Variants in DMD observed in about 807,000 individuals in gnomAD.
DMD encodes the protein dystrophin.
DMD carries 63 observed loss-of-function variants against 330.1 expected under a neutral mutation model. The ratio of observed to expected loss-of-function variants is 0.19; its 90% CI spans 0.16 to 0.24. The LOEUF is 0.24. DMD is among the 10% of genes least tolerant of loss of function. The pLI, the probability that DMD is intolerant of heterozygous loss-of-function variation, is 1.00. For missense variants in DMD, 3,344 were observed against 2,684.1 expected, an observed-to-expected ratio of 1.25 and a Z score of -5.43; for synonymous variants, 1,223 against 959.8, an observed-to-expected ratio of 1.27 and a Z score of -5.07.
At position 31,940,589 on chromosome X, in the gene DMD, C is replaced by T. The variant is rs1398843278; in HGVS notation, c.6615-8362G>A. On this transcript the variant is annotated intron_variant, in intron 45 of 78. Coordinates refer to ENST00000357033, the MANE Select transcript of DMD (RefSeq NM_004006.3). ...AAGTGCCCTGGGCCCCCCTGATCCA[C>T]CATTTGGAGGAAATCTACTTGTTGA... Among the ~76,000 whole-genome samples the T allele has an allele frequency of 2.7e-5, 3 of 111,498 alleles. No homozygotes were observed. In the East Asian group the frequency reaches 8.4e-4, roughly 31 times the overall value.
intron 62 of DMD, among the ~76,000 whole-genome samples, chrX:31,268,150 C>T (rs2051326957): frequency 8.9e-6 from 1 of 111,952 alleles, no homozygotes; most frequent in Admixed American, 9.4e-5. Flanking sequence ...CTTCAGCCTC[C>T]AAGTGCCTGC....
chrX:32,374,089 C>A (rs778057190), intron 34 of DMD, among the ~76,000 whole-genome samples: 1 of 110,920 alleles, frequency 9.0e-6, no homozygotes, highest in Non-Finnish European at 1.9e-5. Flanking sequence ...GCTCATTGGC[C>A]GCTTGTATGT....
intron 47 of DMD, among the ~76,000 whole-genome samples, chrX:31,923,239 T>C (rs181860345): frequency 8.9e-6 from 1 of 111,808 alleles, no homozygotes; most frequent in East Asian, 2.8e-4. Flanking sequence ...ATGCTTATGT[T>C]ATAAACTTTA....
intron 2 of DMD, among the ~76,000 whole-genome samples, chrX:32,910,524 T>C (rs1169692837): frequency 1.8e-5 from 2 of 110,887 alleles, no homozygotes; most frequent in Non-Finnish European, 3.8e-5. Context: ...CGCCTCCCAA[T>C]TCTCCTGCCA....
intron 44 of DMD, among the ~76,000 whole-genome samples, chrX:32,069,752 A>G (rs1030208914): frequency 2.7e-5 from 3 of 111,856 alleles, no homozygotes; most frequent in Non-Finnish European, 3.8e-5. Flanking sequence ...ATTTTGCCTG[A>G]GTTCAGGGGC....
chrX:32,845,679 A>G (rs1385435397), intron 3 of DMD, among the ~76,000 whole-genome samples: 2 of 111,610 alleles, frequency 1.8e-5, no homozygotes, highest in African/African-American at 3.3e-5. Flanking sequence ...GTTCTCACCT[A>G]AACATTTGGG....
intron 30 of DMD, among the ~76,000 whole-genome samples, chrX:32,393,494 A>G (rs1221939257): frequency 8.9e-6 from 1 of 111,955 alleles, no homozygotes; most frequent in African/African-American, 3.2e-5. Context: ...TTTATTGCTA[A>G]TATTTGATCC....
chrX:32,027,939 T>C (rs2095858516), intron 44 of DMD, among the ~76,000 whole-genome samples: 1 of 112,236 alleles, frequency 8.9e-6, no homozygotes, highest in African/African-American at 3.2e-5. Context: ...TGAGTGGGTC[T>C]TTAAGCAAGG....
intron 2 of DMD, among the ~76,000 whole-genome samples, chrX:32,920,015 T>A (rs2088236474): frequency 9.0e-6 from 1 of 111,520 alleles, no homozygotes; most frequent in African/African-American, 3.3e-5. Context: ...AGATTGAAAC[T>A]TAACATTTTG....
intron 1 of DMD, among the ~76,000 whole-genome samples, chrX:33,183,345 C>T (rs1362212042): frequency 2.7e-5 from 3 of 111,415 alleles, no homozygotes; most frequent in Non-Finnish European, 3.8e-5. Context: ...GTGAAATTAC[C>T]TTCAGCAGTG....
At chrX:31,849,251 C>T (rs1200044878) in intron 48 of DMD, among the ~76,000 whole-genome samples, 1 of 110,150 alleles carries the variant, frequency 9.1e-6, no homozygotes, top group Admixed American at 9.8e-5. Flanking sequence ...TTTGCTCATT[C>T]GACAAACATT....
chrX:31,222,113 G>A (rs1021933210), intron 64 of DMD, among the ~76,000 whole-genome samples: 14 of 110,838 alleles, frequency 1.3e-4, no homozygotes, highest in African/African-American at 3.9e-4. Context: ...GGAGAATGGC[G>A]TGAACCCGGG....
intron 44 of DMD, among the ~76,000 whole-genome samples, chrX:32,075,238 A>G (rs892035722): frequency 8.0e-5 from 9 of 112,365 alleles, no homozygotes; most frequent in African/African-American, 2.9e-4. Context: ...AAGGAGGGGG[A>G]CCACTTGTAA....
intron 61 of DMD, among the ~76,000 whole-genome samples, chrX:31,339,871 G>A (rs1230933863): frequency 8.9e-6 from 1 of 112,432 alleles, no homozygotes; most frequent in East Asian, 2.8e-4. Flanking sequence ...CACCGCACCC[G>A]GCCTCATGAT....
chrX:32,429,646 T>C lies in DMD; in HGVS notation c.4071+8595A>G, dbSNP rs10522000. Among the ~76,000 whole-genome samples the C allele has an allele frequency of 2.4e-3, 260 of 109,707 alleles. 1 individual carries two copies. The highest frequency in any genetic ancestry group is 8.3e-3 in the African/African-American group (251 of 30,146). On this transcript the variant is annotated intron_variant, in intron 29 of 78. Transcript: ENST00000357033. ...GCTTTACTGCGTACTGATTGAGAAC[T>C]GTTCCTTTTATCATTCTTTGATTGT...
chrX:31,615,570 G>A (rs5927780), intron 55 of DMD, among the ~76,000 whole-genome samples: 32,167 of 110,791 alleles, frequency 0.29, 3,564 homozygotes, highest in Middle Eastern at 0.35. Context: ...TAATATGTTT[G>A]TTATCATGAA....
intron 55 of DMD, among the ~76,000 whole-genome samples, chrX:31,622,517 G>T (rs183121464): frequency 3.9e-4 from 43 of 110,151 alleles, no homozygotes; most frequent in Admixed American, 3.1e-3. Flanking sequence ...CACCTTTCTT[G>T]GGGCCCTTAT....
intron 44 of DMD, among the ~76,000 whole-genome samples, chrX:32,051,277 G>C (rs1006762164): frequency 9.1e-6 from 1 of 110,387 alleles, no homozygotes; most frequent in Non-Finnish European, 1.9e-5. Flanking sequence ...TTAATAATAT[G>C]AAAGCTGATG....
At chrX:31,131,381 C>G (rs1417293599) in intron 77 of DMD, among the ~76,000 whole-genome samples, 1 of 111,564 alleles carries the variant, frequency 9.0e-6, no homozygotes, top group African/African-American at 3.3e-5. Flanking sequence ...TGTTTCTGAT[C>G]TTTGTATGCA....
Sources: gnomAD v4.1 joint callset for allele counts (sites outside exome capture counted in the v4.1 genomes callset) on GRCh38, gnomAD v4.1.1 for gene constraint, MANE v1.5 for transcripts, NCBI Gene and HGNC (gene_info 2026-07-23, HGNC 2026-07-21) for gene names.